TRHDE: variants seen among roughly 807,000 people sequenced by gnomAD.
The protein encoded by TRHDE is thyrotropin-releasing hormone-degrading ectoenzyme.
In TRHDE, 72 loss-of-function variants were observed where a neutral mutation model predicts 125.7. The ratio of observed to expected loss-of-function variants is 0.57; its 90% CI spans 0.47 to 0.70. The LOEUF (loss-of-function observed/expected upper bound fraction) is 0.70. TRHDE is among the 30% of genes least tolerant of loss of function. The pLI is 0.00. For synonymous variants in TRHDE, 509 were observed against 509.1 expected (o/e 1.00, Z 0.00); for missense variants, 1,110 against 1,327.1 (o/e 0.84, Z 2.54).
intron 6 of TRHDE, among the ~76,000 whole-genome samples, chr12:72,503,522 G>A (rs1249915145): frequency 6.6e-6 from 1 of 152,116 alleles, no homozygotes; most frequent in Non-Finnish European, 1.5e-5. Context: ...GTGTTATCCA[G>A]CAATATTTCC....
At chr12:72,647,489 A>T (rs1406540158) in intron 15 of TRHDE, among the ~76,000 whole-genome samples, 1 of 152,060 alleles carries the variant, frequency 6.6e-6, no homozygotes, top group East Asian at 1.9e-4. Flanking sequence ...GAAAATAGAA[A>T]AACAATAGAA....
chr12:72,324,958 C>T (rs985184927), intron 2 of TRHDE, among the ~76,000 whole-genome samples: 1 of 152,028 alleles, frequency 6.6e-6, no homozygotes, highest in South Asian at 2.1e-4. Context: ...TGATCATAAT[C>T]CTAAATGTAC....
Position 72,399,600 on chromosome 12 carries a change from T to G in TRHDE, c.1315+21479T>G, listed in dbSNP as rs540956384. ...ATTTTTATCATGAAAAACACTATAG[T>G]TCTTGGCAAAAGTGAAAATTTTCAC... On this transcript the variant is annotated intron_variant, in intron 3 of 18. Transcript: ENST00000261180. Among the ~76,000 whole-genome samples the G allele has an allele frequency of 2.6e-5, 4 of 152,250 alleles. No individual in the cohort carries two copies. The East Asian group carries it at 7.7e-4, about 29-fold the overall frequency.
At chr12:72,434,388 CAAA>C (rs34254660) in intron 3 of TRHDE, among the ~76,000 whole-genome samples, 20 of 81,956 alleles carry the variant, frequency 2.4e-4, no homozygotes, top group African/African-American at 5.9e-4. Flanking sequence ...CTCTATGTCT[CAAA>C]AAAAAAAAAA....
At chr12:72,166,723 T>A (rs73135436) in intron 2 of TRHDE, among the ~76,000 whole-genome samples, 2,310 of 152,208 alleles carry the variant, frequency 0.015, 30 homozygotes, top group Non-Finnish European at 0.027. Context: ...AAATCCTGTA[T>A]AAAGATGATT....
At chr12:72,289,601 C>T (rs1445367912) in intron 2 of TRHDE, among the ~76,000 whole-genome samples, 2 of 152,186 alleles carry the variant, frequency 1.3e-5, no homozygotes, top group African/African-American at 4.8e-5. Context: ...AGGTTACACT[C>T]CTATTTGGTA....
intron 3 of TRHDE, among the ~76,000 whole-genome samples, chr12:72,451,846 C>T (rs1404875416): frequency 4.0e-5 from 6 of 150,840 alleles, no homozygotes; most frequent in Non-Finnish European, 7.4e-5. Flanking sequence ...TTTTGTTTTT[C>T]GAGATGGCAT....
intron 12 of TRHDE, among the ~76,000 whole-genome samples, chr12:72,589,100 C>T (rs1327591956): frequency 5.3e-5 from 8 of 152,106 alleles, no homozygotes; most frequent in Admixed American, 2.0e-4. Context: ...CACAGCAAAA[C>T]GATATCACCT....
chr12:72,224,704 C>T (rs1441393428), intron 2 of TRHDE, among the ~76,000 whole-genome samples: 1 of 152,100 alleles, frequency 6.6e-6, no homozygotes, highest in African/African-American at 2.4e-5. Flanking sequence ...AGCTATAATT[C>T]AGTAACAACA....
At chr12:72,607,758 G>A (rs1872507240) in intron 12 of TRHDE, among the ~76,000 whole-genome samples, 1 of 152,114 alleles carries the variant, frequency 6.6e-6, no homozygotes, top group Admixed American at 6.6e-5. Flanking sequence ...GTTGGTTTTA[G>A]AGCACAGATT....
At chr12:72,618,746 T>A in intron 12 of TRHDE, 145 bp from the exon 13 acceptor site, 1 of 584,882 alleles carries the variant, frequency 1.7e-6, no homozygotes, top group East Asian at 3.3e-5. Context: ...TATGACTATA[T>A]TTTAAAAGTG....
At chr12:72,272,114 C>CGTCA (rs1565678633), upstream of TRHDE, 1 of 457,478 alleles carries the variant, frequency 2.2e-6, no homozygotes, top group South Asian at 1.5e-5. The surrounding 1 kb of genome is among the most constrained non-coding windows in gnomAD (Gnocchi z 6.7). Flanking sequence ...CTGTGGCCGC[C>CGTCA]GTCACTGCTG....
chr12:72,274,111 C>T (rs564082522), intron 1 of TRHDE, among the ~76,000 whole-genome samples: 12 of 152,284 alleles, frequency 7.9e-5, no homozygotes, highest in African/African-American at 2.9e-4. Flanking sequence ...CCCCAAACTT[C>T]AAGTTGAGAT....
chr12:72,517,115 TG>T (rs1878909753), intron 6 of TRHDE, among the ~76,000 whole-genome samples: 1 of 151,910 alleles, frequency 6.6e-6, no homozygotes, highest in East Asian at 1.9e-4. Flanking sequence ...CTTTTTTGGT[TG>T]TGTCTCTGCC....
intron 2 of TRHDE, among the ~76,000 whole-genome samples, chr12:72,289,102 G>A (rs1439211618): frequency 6.6e-6 from 1 of 152,082 alleles, no homozygotes; most frequent in Non-Finnish European, 1.5e-5. Flanking sequence ...ATATGAGAAT[G>A]ACATTTCTCA....
chr12:72,517,085 G>A (rs560288223), intron 6 of TRHDE, among the ~76,000 whole-genome samples: 1 of 151,906 alleles, frequency 6.6e-6, no homozygotes, highest in South Asian at 2.1e-4. Flanking sequence ...TGTTCATCAA[G>A]GATATTGGTC....
At chr12:72,619,100 C>T in intron 13 of TRHDE, 62 bp downstream of exon 13, 1 of 1,281,126 alleles carries the variant, frequency 7.8e-7, no homozygotes. Context: ...TCTCTTTCTA[C>T]TATTATATAT....
chr12:72,215,938 A>G (rs931599110), intron 2 of TRHDE, among the ~76,000 whole-genome samples: 30 of 152,174 alleles, frequency 2.0e-4, no homozygotes, highest in African/African-American at 7.2e-4. Context: ...TGGATGGGCT[A>G]TAGATTTAGT....
chr12:72,447,519 T>G (rs2135865027), intron 3 of TRHDE, among the ~76,000 whole-genome samples: 1 of 152,194 alleles, frequency 6.6e-6, no homozygotes, highest in Non-Finnish European at 1.5e-5. Context: ...TCTAGACCAG[T>G]GGTTCTTCAT....
Sources: allele counts gnomAD v4.1 joint callset (sites outside exome capture counted in the v4.1 genomes callset), GRCh38; gene constraint gnomAD v4.1.1; non-coding constraint Gnocchi (gnomAD v3.1); transcripts MANE v1.5; gene names NCBI Gene and HGNC (gene_info 2026-07-23, HGNC 2026-07-21).